Variants in THSD4 observed in about 807,000 individuals in gnomAD.
THSD4 encodes the protein thrombospondin type-1 domain-containing protein 4.
THSD4 carries 69 observed loss-of-function variants against 119.0 expected under a neutral mutation model. The observed-to-expected ratio is 0.58, with a 90% confidence interval of 0.48 to 0.71. The LOEUF is 0.71. Among genes scored for constraint, THSD4 ranks in the 30% least tolerant of loss-of-function variants. THSD4 has a pLI of 0.00. For missense variants in THSD4, 1,393 were observed against 1,391.1 expected (o/e 1.00, Z -0.02); for synonymous variants, 524 against 540.4 (o/e 0.97, Z 0.42).
At chr15:71,680,143 TAAAAAGA>T (rs1413886868) in intron 8 of THSD4, among the ~76,000 whole-genome samples, 2 of 152,174 alleles carry the variant, frequency 1.3e-5, no homozygotes, top group Non-Finnish European at 2.9e-5. Context: ...CAGTCCTCTT[TAAAAAGA>T]GGGGAGTGGT....
intron 6 of THSD4, among the ~76,000 whole-genome samples, chr15:71,393,458 A>G (rs2046403717): frequency 6.6e-6 from 1 of 151,926 alleles, no homozygotes; most frequent in African/African-American, 2.4e-5. Context: ...TACCAGGGAG[A>G]GAGGTGAGCC....
intron 8 of THSD4, among the ~76,000 whole-genome samples, chr15:71,696,757 A>G (rs1421789908): frequency 3.3e-5 from 5 of 152,208 alleles, no homozygotes; most frequent in African/African-American, 1.2e-4. Flanking sequence ...AAATCCAAGC[A>G]CAGGAAAACT....
chr15:71,302,144 G>C lies in THSD4; in HGVS notation c.1015+45429G>C, dbSNP rs183957367. On this transcript the variant is annotated intron_variant, in intron 6 of 17. Transcript: ENST00000261862. ...TGTAAGAGGTGAGCTGCCAAGTGTC[G>C]TTGTGAGTCTCCTTTCCCTGGCAGC... 3.9e-4 allele frequency among the ~76,000 whole-genome samples: 60 copies of C among 152,292 alleles called. 1 individual carries two copies. The highest frequency in any genetic ancestry group is 1.3e-3 in the African/African-American group (54 of 41,566).
At chr15:71,614,487 C>G (rs576886759) in intron 7 of THSD4, among the ~76,000 whole-genome samples, 11 of 152,326 alleles carry the variant, frequency 7.2e-5, no homozygotes, top group South Asian at 6.2e-4. Flanking sequence ...ATTCATTTAT[C>G]TCACCTATCC....
intron 7 of THSD4, among the ~76,000 whole-genome samples, chr15:71,421,158 C>CAAAAAAAAAAAAAAAAAAAAAAAAA (rs769831708): frequency 5.3e-5 from 1 of 18,788 alleles, no homozygotes; most frequent in African/African-American, 1.8e-4. Flanking sequence ...GACTCCGTCT[C>CAAAAAAAAAAAAAAAAAAAAAAAAA]AAAAAAAAAA....
intron 6 of THSD4, among the ~76,000 whole-genome samples, chr15:71,354,976 A>G (rs924222357): frequency 4.6e-5 from 7 of 152,182 alleles, no homozygotes; most frequent in African/African-American, 1.7e-4. Flanking sequence ...GAATGGACAA[A>G]TCTATTGCAT....
At chr15:71,724,287 A>ATATATT in intron 8 of THSD4, among the ~76,000 whole-genome samples, 26 of 37,282 alleles carry the variant, frequency 7.0e-4, no homozygotes, top group South Asian at 4.1e-3. Context: ...ATATATATAT[A>ATATATT]TTTTTTTTTT....
At chr15:71,136,740 A>G (rs1002815691) in intron 1 of THSD4, among the ~76,000 whole-genome samples, 7 of 152,090 alleles carry the variant, frequency 4.6e-5, no homozygotes, top group Non-Finnish European at 8.8e-5. Flanking sequence ...GAGACTGAGC[A>G]GATCCTTGTC....
In THSD4 at chr15:71,347,908, A is replaced by C. The variant is rs556651471; in HGVS notation, c.1016-63779A>C. 7.0e-4 allele frequency among the ~76,000 whole-genome samples: 106 copies of C among 152,286 alleles called. 1 individual carries two copies. Among genetic ancestry groups the C allele is most frequent in the African/African-American group, 2.5e-3 (104 of 41,580 alleles). On this transcript the variant is annotated intron_variant, in intron 6 of 17. Coordinates refer to ENST00000261862, the MANE Select transcript of THSD4 (RefSeq NM_024817.3). ...CAAACACTCAGCAGTCCTTCATGCT[A>C]ACTAGCCCGTCTCCATACCCACATA...
Position 71,588,288 on chromosome 15 carries a change from A to G in THSD4, c.1153-72242A>G, listed in dbSNP as rs1431978403. Among the ~76,000 whole-genome samples the G allele has an allele frequency of 3.0e-5, 4 of 135,180 alleles. No individual in the cohort carries two copies. In the South Asian group the frequency reaches 1.1e-3, roughly 37 times the overall value. The allele number at this position is 135,180 out of a possible 152,430, so 88.7% of individuals were successfully genotyped here. Reference sequence around the variant, plus strand: ...GCCACTGCACTCCAGCCTGGGCGACAGAGCGAGACTCCGTCTCAAAAAAAA... The same window carrying G: ...GCCACTGCACTCCAGCCTGGGCGACGGAGCGAGACTCCGTCTCAAAAAAAA... On this transcript the variant is annotated intron_variant, in intron 7 of 17. Transcript: ENST00000261862.
At chr15:71,103,502 T>G (rs2040261887) in intron 1 of THSD4, among the ~76,000 whole-genome samples, 1 of 152,034 alleles carries the variant, frequency 6.6e-6, no homozygotes, top group Non-Finnish European at 1.5e-5. Flanking sequence ...TTTTCAGCCC[T>G]CCAGTGAGCA....
At chr15:71,416,159 T>C (rs2046757408) in intron 7 of THSD4, among the ~76,000 whole-genome samples, 1 of 152,234 alleles carries the variant, frequency 6.6e-6, no homozygotes, top group Admixed American at 6.5e-5. Flanking sequence ...GTTCCATCTA[T>C]GCTGTTGCAA....
At chr15:71,378,566 TAATGC>T (rs1012436315) in intron 6 of THSD4, among the ~76,000 whole-genome samples, 11 of 152,238 alleles carry the variant, frequency 7.2e-5, no homozygotes, top group African/African-American at 2.7e-4. Flanking sequence ...GAAAACAATG[TAATGC>T]AGTAATTGCA....
At chr15:71,097,515 A>C (rs529058197) in intron 1 of THSD4, among the ~76,000 whole-genome samples, 9 of 151,880 alleles carry the variant, frequency 5.9e-5, no homozygotes, top group Non-Finnish European at 1.3e-4. Flanking sequence ...GCCGTCAGCC[A>C]AGATAGCACC....
At chr15:71,229,092 G>C (rs2044040963) in intron 4 of THSD4, among the ~76,000 whole-genome samples, 1 of 152,206 alleles carries the variant, frequency 6.6e-6, no homozygotes. Flanking sequence ...AAGCTGTACT[G>C]TGTTGCAGTT....
chr15:71,173,333 T>C (rs951377151), intron 3 of THSD4, among the ~76,000 whole-genome samples: 3 of 152,054 alleles, frequency 2.0e-5, no homozygotes, highest in African/African-American at 7.2e-5. Flanking sequence ...AAAACTTGTA[T>C]AATGAAAACT....
intron 7 of THSD4, among the ~76,000 whole-genome samples, chr15:71,547,952 A>G (rs1050727484): frequency 1.5e-4 from 23 of 151,414 alleles, no homozygotes; most frequent in African/African-American, 5.3e-4. Flanking sequence ...ATCTGTGCTT[A>G]ACTTTCTATC....
chr15:71,302,359 G>T (rs2044962378), intron 6 of THSD4, among the ~76,000 whole-genome samples: 2 of 152,052 alleles, frequency 1.3e-5, no homozygotes, highest in African/African-American at 4.8e-5. Context: ...GAACCAAAGG[G>T]GCTGATGCAG....
chr15:71,161,898 G>A (rs1177065434), intron 3 of THSD4, among the ~76,000 whole-genome samples: 1 of 151,760 alleles, frequency 6.6e-6, no homozygotes, highest in Admixed American at 6.6e-5. Flanking sequence ...GTTTATTTGT[G>A]TATCTGTTGT....
Sources: gnomAD v4.1 joint callset for allele counts (sites outside exome capture counted in the v4.1 genomes callset) on GRCh38, gnomAD v4.1.1 for gene constraint, MANE v1.5 for transcripts, NCBI Gene and HGNC (gene_info 2026-07-23, HGNC 2026-07-21) for gene names.